The following RET variants were observed in gnomAD, a reference collection of about 807,000 sequenced individuals.
RET encodes ret proto-oncogene, also known as proto-oncogene tyrosine-protein kinase receptor Ret.
In RET, 19 loss-of-function variants were observed where a neutral mutation model predicts 118.3. The observed-to-expected ratio is 0.16, with a 90% CI of 0.11 to 0.24. The LOEUF (loss-of-function observed/expected upper bound fraction) is 0.24. Among genes scored for constraint, RET ranks in the 10% least tolerant of loss-of-function variants. The pLI, the probability that RET is intolerant of heterozygous loss-of-function variation, is 1.00. For synonymous variants in RET, 597 were observed against 644.1 expected, an observed-to-expected ratio of 0.93 and a Z score of 1.11; for missense variants, 1,219 against 1,502.1, an observed-to-expected ratio of 0.81 and a Z score of 3.12.
At chr10:43,120,607 A>T (rs1389356339) in intron 15 of RET, among the ~76,000 whole-genome samples, 3 of 152,272 alleles carry the variant, frequency 2.0e-5, no homozygotes, top group African/African-American at 4.8e-5. Context: ...AAAAGGAATG[A>T]ACTGCTTTAC....
chr10:43,110,043 C>T (rs904486893), intron 6 of RET, among the ~76,000 whole-genome samples: 14 of 152,348 alleles, frequency 9.2e-5, no homozygotes, highest in South Asian at 2.1e-4. Context: ...GGCAGCCACC[C>T]GTGTCCAGCC....
At chr10:43,086,050 C>T (rs996416626) in intron 1 of RET, among the ~76,000 whole-genome samples, 2 of 152,206 alleles carry the variant, frequency 1.3e-5, no homozygotes, top group Admixed American at 6.5e-5. Flanking sequence ...ACTCTGCAGC[C>T]CAATGCAGAA....
intron 1 of RET, among the ~76,000 whole-genome samples, chr10:43,099,927 G>A (rs1335542261): frequency 6.6e-6 from 1 of 152,258 alleles, no homozygotes; most frequent in Non-Finnish European, 1.5e-5. Context: ...TCCACCTGCT[G>A]AAGGGCCTCT....
intron 19 of RET, 61 bp downstream of exon 19, chr10:43,126,783 C>G (rs765474022): frequency 1.9e-6 from 3 of 1,593,688 alleles, no homozygotes; most frequent in African/African-American, 2.7e-5. Flanking sequence ...ACTATCCTTC[C>G]TCTCTGTGAT....
intron 14 of RET, 34 bp downstream of exon 14, chr10:43,119,779 C>G (rs1041707733): frequency 6.2e-7 from 1 of 1,604,640 alleles, no homozygotes. Flanking sequence ...CAGCCAGCCC[C>G]GGCCAGGCCA....
chr10:43,112,813 G>A (rs2132812044), intron 8 of RET, 40 bp from the exon 9 acceptor site: 2 of 1,546,420 alleles, frequency 1.3e-6, no homozygotes, highest in Non-Finnish European at 1.8e-6. Flanking sequence ...GTGTGGCGGG[G>A]CTCCCACATG....
At chr10:43,097,928 C>T (rs1837556231) in intron 1 of RET, among the ~76,000 whole-genome samples, 1 of 152,074 alleles carries the variant, frequency 6.6e-6, no homozygotes, top group South Asian at 2.1e-4. Context: ...AAAGAGAGAT[C>T]GATTACATAC....
At chr10:43,102,796 T>G in intron 3 of RET, 167 bp downstream of exon 3, 1 of 804,142 alleles carries the variant, frequency 1.2e-6, no homozygotes, top group East Asian at 2.7e-5. Context: ...GGTACTGTTC[T>G]AGGAGCTAAG....
chr10:43,116,464 C>T lies in RET; in HGVS notation c.2137-120C>T, dbSNP rs767352216. The T allele has an allele frequency of 1.5e-4, 189 of 1,275,124 alleles. 1 individual carries two copies. Among genetic ancestry groups the T allele is most frequent in the Non-Finnish European group, 2.0e-4 (179 of 877,082 alleles). 79.0% of individuals were successfully genotyped at this position (1,275,124 alleles called of 1,614,324 possible). On this transcript the variant is annotated intron_variant, in intron 11 of 19. Coordinates refer to ENST00000355710, the MANE Select transcript of RET (RefSeq NM_020975.6). The stretch of plus-strand genomic sequence containing the variant: ...CGTTGCCGCTGGCTCAGATGACAGC[C>T]GGTTCTCTGCACATTGGAACTTGTC...
chr10:43,127,770 C>T (rs185852986), intron 19 of RET, among the ~76,000 whole-genome samples: 98 of 152,020 alleles, frequency 6.4e-4, no homozygotes, highest in African/African-American at 2.2e-3. Context: ...AGAACGTTTC[C>T]GCTGCAGTAA....
chr10:43,102,576 T>C lies in RET; in HGVS notation c.572T>C (p.Leu191Pro). Residue 191 changes from leucine (L) to proline (P), a missense_variant, in exon 3 of 20, where the codon CTG becomes CCG. Leu to Pro is a moderately conservative substitution (Grantham distance 98, BLOSUM62 -3). This residue lies in a region of RET where 850 missense variants were observed against 969.6 expected (regional missense o/e 0.88). Coordinates refer to ENST00000355710, the MANE Select transcript of RET (RefSeq NM_020975.6). ...GGCACCTTCCACCAGTTCCGCCTGCTGCCTGTGCAGTTCTTGTGCCCCAAC... is the reference window on the plus strand; with the variant it reads ...GGCACCTTCCACCAGTTCCGCCTGCCGCCTGTGCAGTTCTTGTGCCCCAAC... Reference protein sequence around the residue: ...PPGTFHQFRLLPVQFLCPNIS... With the variant: ...PPGTFHQFRLPPVQFLCPNIS... The C allele has an allele frequency of 3.1e-6, 5 of 1,614,248 alleles. No homozygotes were observed. The highest frequency in any genetic ancestry group is 4.2e-6 in the Non-Finnish European group (5 of 1,180,044).
At position 43,091,440 on chromosome 10, in the gene RET, C is replaced by G. The variant is rs1051502825; in HGVS notation, c.74-9019C>G. On this transcript the variant is annotated intron_variant, in intron 1 of 19. Transcript: ENST00000355710. ...GGTCAGGAGTTCGAAAGCAGCCTAG[C>G]CAACATGGTGAAACCTTGTCTCTAC... is the stretch of plus-strand genomic sequence containing the variant. Among the ~76,000 whole-genome samples the G allele has an allele frequency of 2.0e-5, 3 of 152,122 alleles. No individual in the cohort carries two copies. The East Asian group carries it at 5.8e-4, about 29-fold the overall frequency.
At chr10:43,122,882 T>A (rs916496863) in intron 16 of RET, among the ~76,000 whole-genome samples, 2 of 152,228 alleles carry the variant, frequency 1.3e-5, no homozygotes, top group African/African-American at 4.8e-5. Context: ...AGTGCTGGGA[T>A]TACAGGCGAG....
intron 1 of RET, among the ~76,000 whole-genome samples, chr10:43,092,943 T>G (rs1038302224): frequency 6.6e-6 from 1 of 152,196 alleles, no homozygotes; most frequent in Non-Finnish European, 1.5e-5. Flanking sequence ...TCTTACTCCC[T>G]TCCCCTTCCC....
At chr10:43,089,747 C>T (rs1353787005) in intron 1 of RET, among the ~76,000 whole-genome samples, 1 of 152,234 alleles carries the variant, frequency 6.6e-6, no homozygotes, top group Non-Finnish European at 1.5e-5. Flanking sequence ...GGCCGGCCAT[C>T]GGGGCCCTCC....
At chr10:43,123,642 C>A (rs1245488152) in intron 16 of RET, 29 bp from the exon 17 acceptor site, 1 of 1,613,908 alleles carries the variant, frequency 6.2e-7, no homozygotes, top group East Asian at 2.2e-5. Context: ...CCAGGTGGAG[C>A]CACTCACTGG....
In RET at chr10:43,129,087, G is replaced by A. The variant is rs1289759170; in HGVS notation, c.*818G>A. The A allele has an allele frequency of 8.6e-6, 2 of 233,494 alleles. No individual in the cohort carries two copies. Among genetic ancestry groups the A allele is most frequent in the Admixed American group, 1.1e-4 (2 of 17,770 alleles). 14.5% of individuals were successfully genotyped at this position (233,494 alleles called of 1,614,324 possible). A position where few individuals can be genotyped will look rare whatever the true frequency, so the allele number is the denominator to read the frequency against. On this transcript the variant is annotated 3_prime_UTR_variant, in exon 20 of 20. Coordinates refer to ENST00000355710, the MANE Select transcript of RET (RefSeq NM_020975.6). ...CTACCCCTGATGAGAACAGTATGAA[G>A]AAAGGGGGCTGTTGGAGTCCCAGAA... is the stretch of plus-strand genomic sequence containing the variant.
intron 7 of RET, among the ~76,000 whole-genome samples, chr10:43,111,779 C>T (rs1837939715): frequency 6.6e-6 from 1 of 152,234 alleles, no homozygotes; most frequent in Non-Finnish European, 1.5e-5. Context: ...CATGCTGACA[C>T]AGCTGCCATT....
At chr10:43,107,559 T>A (rs868328748) in intron 5 of RET, among the ~76,000 whole-genome samples, 30 of 140,732 alleles carry the variant, frequency 2.1e-4, no homozygotes, top group Non-Finnish European at 3.5e-4. Context: ...CCCCCATGCC[T>A]CACACACACA....
Sources: allele counts gnomAD v4.1 joint callset (sites outside exome capture counted in the v4.1 genomes callset), GRCh38; gene constraint gnomAD v4.1.1; regional missense constraint gnomAD v4.1.1; transcripts MANE v1.5; gene names NCBI Gene and HGNC (gene_info 2026-07-23, HGNC 2026-07-21).